DGKB: variants seen among roughly 807,000 people sequenced by gnomAD.
The protein encoded by DGKB is 90 kDa diacylglycerol kinase.
Under a neutral mutation model 114.3 loss-of-function variants are expected in DGKB, and 67 were observed. That is an observed-to-expected ratio of 0.59 (90% CI 0.48 to 0.72). The LOEUF (loss-of-function observed/expected upper bound fraction) is 0.72. DGKB is among the 30% of genes least tolerant of loss of function. The pLI, the probability that DGKB is intolerant of heterozygous loss-of-function variation, is 0.00. For synonymous variants in DGKB, 398 were observed against 323.1 expected (o/e 1.23, Z -2.49); for missense variants, 907 against 975.2 (o/e 0.93, Z 0.93).
chr7:14,540,410 C>T (rs1050344688), intron 20 of DGKB, among the ~76,000 whole-genome samples: 10 of 152,048 alleles, frequency 6.6e-5, no homozygotes, highest in Non-Finnish European at 1.3e-4. Flanking sequence ...GAAAATTAAA[C>T]AAAAGTTCAT....
intron 21 of DGKB, among the ~76,000 whole-genome samples, chr7:14,348,184 G>A (rs930979653): frequency 3.5e-5 from 5 of 144,616 alleles, no homozygotes; most frequent in Non-Finnish European, 4.5e-5. Context: ...CCTTTCCTTC[G>A]ACAACCACTA....
intron 23 of DGKB, among the ~76,000 whole-genome samples, chr7:14,325,125 A>C (rs1808492233): frequency 6.6e-6 from 1 of 152,160 alleles, no homozygotes; most frequent in Non-Finnish European, 1.5e-5. Flanking sequence ...GTCAGCCTGT[A>C]CTTTCCCTTA....
At chr7:14,229,156 G>A (rs1791307508) in intron 23 of DGKB, among the ~76,000 whole-genome samples, 1 of 151,930 alleles carries the variant, frequency 6.6e-6, no homozygotes, top group Non-Finnish European at 1.5e-5. Flanking sequence ...TGTTAGAGAA[G>A]TTTTCCAATT....
intron 23 of DGKB, among the ~76,000 whole-genome samples, chr7:14,333,460 TA>T (rs36112659): frequency 0.067 from 8,400 of 125,744 alleles, 738 homozygotes; most frequent in African/African-American, 0.22. Flanking sequence ...GACTCCGTCT[TA>T]AAAAAAAAAA....
intron 21 of DGKB, among the ~76,000 whole-genome samples, chr7:14,394,493 G>C (rs539269891): frequency 1.3e-5 from 2 of 152,134 alleles, no homozygotes; most frequent in African/African-American, 2.4e-5. Flanking sequence ...TGGAAAGGAG[G>C]CCACTTTGTA....
intron 1 of DGKB, among the ~76,000 whole-genome samples, chr7:14,970,783 C>T (rs1001547897): frequency 3.3e-5 from 5 of 152,034 alleles, no homozygotes; most frequent in African/African-American, 7.2e-5. Context: ...GAATACACTG[C>T]GTAGTATTCT....
intron 1 of DGKB, among the ~76,000 whole-genome samples, chr7:14,926,583 GA>G (rs576310096): frequency 2.5e-4 from 38 of 150,864 alleles, no homozygotes; most frequent in Non-Finnish European, 4.6e-4. Flanking sequence ...CATATTTCAA[GA>G]TTTTTTTTAT....
intron 1 of DGKB, among the ~76,000 whole-genome samples, chr7:14,847,937 G>A (rs550869585): frequency 1.3e-5 from 2 of 152,152 alleles, no homozygotes; most frequent in Non-Finnish European, 2.9e-5. Flanking sequence ...AAGAAGTAAA[G>A]GAGCACATGA....
intron 23 of DGKB, among the ~76,000 whole-genome samples, chr7:14,263,389 T>C (rs1246390982): frequency 1.4e-4 from 21 of 152,166 alleles, no homozygotes; most frequent in Non-Finnish European, 5.9e-5. Flanking sequence ...AAAACCTATT[T>C]ATCTCCCTAA....
At chr7:14,586,670 G>A (rs976806096) in intron 17 of DGKB, among the ~76,000 whole-genome samples, 2 of 152,028 alleles carry the variant, frequency 1.3e-5, no homozygotes, top group Admixed American at 6.6e-5. Context: ...GGGCTAATGA[G>A]GCTGATGACT....
At chr7:14,459,863 C>T (rs1832812001) in intron 21 of DGKB, among the ~76,000 whole-genome samples, 1 of 152,070 alleles carries the variant, frequency 6.6e-6, no homozygotes. Context: ...TGAGGTTACC[C>T]ACAAAGGGAA....
At position 14,718,697 on chromosome 7, in the gene DGKB, A is replaced by T. The variant is rs1340490436; in HGVS notation, c.323-12T>A. On this transcript the variant is annotated splice_polypyrimidine_tract_variant and intron_variant, in intron 5 of 25. Transcript: ENST00000402815. The stretch of plus-strand genomic sequence containing the variant: ...ATTCATTCTCAGACCTGGAAAAAAA[A>T]TTGTCTTTATATTTTGTTAATTATT... 9 of 1,588,468 alleles carry T rather than the reference A, an allele frequency of 5.7e-6. No homozygotes were observed. Among genetic ancestry groups the T allele is most frequent in the Non-Finnish European group, 6.8e-6 (8 of 1,169,042 alleles).
At chr7:14,855,642 A>T (rs1033901701) in intron 1 of DGKB, among the ~76,000 whole-genome samples, 4 of 152,156 alleles carry the variant, frequency 2.6e-5, no homozygotes, top group African/African-American at 9.7e-5. Context: ...TTCTTTAAGG[A>T]AAGTCTCAGT....
chr7:14,598,856 C>T (rs1458753887), intron 17 of DGKB, among the ~76,000 whole-genome samples: 1 of 152,118 alleles, frequency 6.6e-6, no homozygotes, highest in Non-Finnish European at 1.5e-5. Context: ...TCATGAACAT[C>T]TAACCTATGA....
chr7:14,404,431 C>G (rs1322640621), intron 21 of DGKB, among the ~76,000 whole-genome samples: 2 of 151,880 alleles, frequency 1.3e-5, no homozygotes, highest in African/African-American at 4.8e-5. Flanking sequence ...TGGACTTTCT[C>G]TCATTGTCCA....
At chr7:14,754,992 T>C (rs1448110452) in intron 3 of DGKB, among the ~76,000 whole-genome samples, 1 of 152,204 alleles carries the variant, frequency 6.6e-6, no homozygotes, top group Non-Finnish European at 1.5e-5. Context: ...TTGTTGTGGT[T>C]ACTGTCACAA....
At position 14,456,542 on chromosome 7, in the gene DGKB, A is replaced by G. The variant is rs571191596; in HGVS notation, c.1835+21619T>C. Among the ~76,000 whole-genome samples, 123 of 152,180 alleles carry G rather than the reference A, an allele frequency of 8.1e-4. 1 individual carries two copies. The highest frequency in any genetic ancestry group is 2.8e-3 in the African/African-American group (118 of 41,578). Reference sequence around the variant, plus strand: ...GAAGAAATTAAATCATGCTATGAATAAGTGATGTTTTATTAGGTAGATGTT... The same window carrying G: ...GAAGAAATTAAATCATGCTATGAATGAGTGATGTTTTATTAGGTAGATGTT... On this transcript the variant is annotated intron_variant, in intron 21 of 25. Coordinates refer to ENST00000402815, the MANE Select transcript of DGKB (RefSeq NM_001350709.2).
intron 21 of DGKB, among the ~76,000 whole-genome samples, chr7:14,392,988 TG>T (rs1403872827): frequency 1.6e-3 from 46 of 27,896 alleles, no homozygotes; most frequent in African/African-American, 4.9e-3. Context: ...ACCTGTTTTT[TG>T]TTTTTGTTTT....
chr7:14,599,061 T>C (rs1350363226), intron 17 of DGKB, among the ~76,000 whole-genome samples: 1 of 152,238 alleles, frequency 6.6e-6, no homozygotes, highest in Non-Finnish European at 1.5e-5. Context: ...TTAGGTATAA[T>C]GATTACTATT....
Sources: allele counts gnomAD v4.1 joint callset (sites outside exome capture counted in the v4.1 genomes callset), GRCh38; gene constraint gnomAD v4.1.1; transcripts MANE v1.5; gene names NCBI Gene and HGNC (gene_info 2026-07-23, HGNC 2026-07-21).